Variants in NKAIN1 observed in about 807,000 individuals in gnomAD.
NKAIN1 encodes the protein sodium/potassium-transporting ATPase subunit beta-1-interacting protein 1.
In NKAIN1, 13 loss-of-function variants were observed where a neutral mutation model predicts 31.6. That is an observed-to-expected ratio of 0.41 (90% CI 0.27 to 0.65). NKAIN1 has a LOEUF of 0.65. Ranked by LOEUF, NKAIN1 falls within the 30% of genes least tolerant of loss-of-function variation. The pLI, the probability that NKAIN1 is intolerant of heterozygous loss-of-function variation, is 0.30. For missense variants in NKAIN1, 193 were observed against 262.2 expected (o/e 0.74, Z 1.82); for synonymous variants, 104 against 109.0 (o/e 0.95, Z 0.28).
chr1:31,185,149 C>T (rs549944626), intron 3 of NKAIN1, 98 bp downstream of exon 3: 153 of 920,982 alleles, frequency 1.7e-4, no homozygotes, highest in Middle Eastern at 6.4e-4. Flanking sequence ...GAGACTTCTT[C>T]GAGACATGAT....
chr1:31,198,729 C>T (rs1645350559), intron 1 of NKAIN1, among the ~76,000 whole-genome samples: 2 of 151,318 alleles, frequency 1.3e-5, no homozygotes, highest in African/African-American at 2.4e-5. Context: ...CCCGCCCCCA[C>T]CCCTAATTAT....
At chr1:31,227,228 G>A (rs1404822418) in intron 1 of NKAIN1, among the ~76,000 whole-genome samples, 1 of 152,186 alleles carries the variant, frequency 6.6e-6, no homozygotes, top group Non-Finnish European at 1.5e-5. Context: ...GCCTCGTTGC[G>A]TGACTTTGGC....
intron 4 of NKAIN1, among the ~76,000 whole-genome samples, chr1:31,183,224 C>A (rs1293262021): frequency 6.6e-6 from 1 of 152,112 alleles, no homozygotes; most frequent in African/African-American, 2.4e-5. Context: ...AGGAAACAAG[C>A]TCCGAGAAGG....
In NKAIN1 at chr1:31,239,652, G is replaced by A. The variant is rs1160097235; in HGVS notation, c.-105C>T. On this transcript the variant is annotated 5_prime_UTR_variant, in exon 1 of 7. Transcript: ENST00000373736. The surrounding 1 kb of genome is among the most constrained non-coding windows in gnomAD (Gnocchi z 4.8). ...CCACGTCCTCCCCGCTGGGCGCGCC[G>A]GGCGGCGGGGCCGGGCGCCTAGGGC... is the stretch of plus-strand genomic sequence containing the variant. 2 of 521,508 alleles carry A rather than the reference G, an allele frequency of 3.8e-6. No homozygotes were observed. Among genetic ancestry groups the A allele is most frequent in the African/African-American group, 2.1e-5 (1 of 48,126 alleles). 32.3% of individuals were successfully genotyped at this position (521,508 alleles called of 1,614,324 possible). A position where few individuals can be genotyped will look rare whatever the true frequency, so the allele number is the denominator to read the frequency against.
intron 2 of NKAIN1, among the ~76,000 whole-genome samples, chr1:31,187,071 T>G (rs1442652904): frequency 6.6e-6 from 1 of 152,198 alleles, no homozygotes; most frequent in Non-Finnish European, 1.5e-5. Flanking sequence ...TGGAGAGAAG[T>G]GTTCTCTTAT....
chr1:31,218,584 T>C (rs972234750), intron 1 of NKAIN1, among the ~76,000 whole-genome samples: 5 of 152,200 alleles, frequency 3.3e-5, no homozygotes, highest in Non-Finnish European at 7.3e-5. Context: ...CTCCCTCAGC[T>C]TCCTCTTCTG....
At chr1:31,217,167 T>C (rs889564513) in intron 1 of NKAIN1, among the ~76,000 whole-genome samples, 2 of 149,578 alleles carry the variant, frequency 1.3e-5, no homozygotes, top group African/African-American at 4.8e-5. Context: ...TGCCGCGGCA[T>C]TGACTTTTTG....
intron 1 of NKAIN1, among the ~76,000 whole-genome samples, chr1:31,236,969 C>A (rs10914334): frequency 0.2 from 29,812 of 152,170 alleles, 3,572 homozygotes; most frequent in East Asian, 0.47. Context: ...AAGCCTGGAT[C>A]CTGGCTGGAT....
intron 1 of NKAIN1, among the ~76,000 whole-genome samples, chr1:31,224,521 G>T (rs1645587609): frequency 6.6e-6 from 1 of 152,334 alleles, no homozygotes; most frequent in African/African-American, 2.4e-5. Flanking sequence ...TTGAACCACT[G>T]TGAGCTGTAA....
chr1:31,194,686 C>T (rs1417783927), intron 1 of NKAIN1, among the ~76,000 whole-genome samples: 5 of 151,308 alleles, frequency 3.3e-5, no homozygotes, highest in African/African-American at 1.2e-4. Context: ...GGATTACAGG[C>T]GTGAGCCCCT....
intron 1 of NKAIN1, among the ~76,000 whole-genome samples, chr1:31,190,340 T>C (rs1368771314): frequency 6.6e-6 from 1 of 152,118 alleles, no homozygotes; most frequent in African/African-American, 2.4e-5. Flanking sequence ...GTGACTCCCC[T>C]CCCAGGGATG....
chr1:31,220,778 A>G (rs1023712118), intron 1 of NKAIN1, among the ~76,000 whole-genome samples: 1 of 143,902 alleles, frequency 6.9e-6, no homozygotes, highest in African/African-American at 2.6e-5. Context: ...AAAAAAAAGC[A>G]TCCAGTGAAT....
chr1:31,215,441 C>T (rs1557659059), intron 1 of NKAIN1, among the ~76,000 whole-genome samples: 1 of 152,338 alleles, frequency 6.6e-6, no homozygotes, highest in East Asian at 1.9e-4. Flanking sequence ...TTACGCTGCC[C>T]GTGATGTGGG....
At chr1:31,238,935 A>G (rs950793057) in intron 1 of NKAIN1, among the ~76,000 whole-genome samples, 3 of 152,172 alleles carry the variant, frequency 2.0e-5, no homozygotes, top group Non-Finnish European at 4.4e-5. Flanking sequence ...CTTGGAGTCT[A>G]AGATCCCAGA....
chr1:31,206,033 A>G, intron 1 of NKAIN1, among the ~76,000 whole-genome samples: 1 of 148,416 alleles, frequency 6.7e-6, no homozygotes. Context: ...CAGGAGTTCG[A>G]GACCAGCCTG....
chr1:31,201,475 C>T (rs997692220), intron 1 of NKAIN1, among the ~76,000 whole-genome samples: 1 of 151,604 alleles, frequency 6.6e-6, no homozygotes, highest in Admixed American at 6.6e-5. Context: ...CCTCCTGCCT[C>T]AGCCTCCCAA....
chr1:31,195,366 C>T lies in NKAIN1; in HGVS notation c.55-7179G>A, dbSNP rs1045639110. Among the ~76,000 whole-genome samples, 7 of 152,006 alleles carry T rather than the reference C, an allele frequency of 4.6e-5. No homozygotes were observed. The South Asian group carries it at 8.3e-4, about 18-fold the overall frequency. The stretch of plus-strand genomic sequence containing the variant: ...TGAACTCTCGACCTCAGGTGATCCA[C>T]CTGCCTCAGGCTCCCAAAGTGCTGG... On this transcript the variant is annotated intron_variant, in intron 1 of 6. Coordinates refer to ENST00000373736, the MANE Select transcript of NKAIN1 (RefSeq NM_024522.3).
intron 1 of NKAIN1, among the ~76,000 whole-genome samples, chr1:31,238,310 A>T (rs1202901629): frequency 6.6e-6 from 1 of 152,112 alleles, no homozygotes; most frequent in East Asian, 1.9e-4. Flanking sequence ...TGTGGTGGGG[A>T]GGGCGTGATG....
chr1:31,202,652 G>A (rs12030828), intron 1 of NKAIN1, among the ~76,000 whole-genome samples: 98,914 of 139,826 alleles, frequency 0.71, 36,311 homozygotes, highest in Middle Eastern at 0.88. Context: ...ACTCCAGCCT[G>A]GGCGACAGAG....
Sources: allele counts gnomAD v4.1 joint callset (sites outside exome capture counted in the v4.1 genomes callset), GRCh38; gene constraint gnomAD v4.1.1; non-coding constraint Gnocchi (gnomAD v3.1); transcripts MANE v1.5; gene names NCBI Gene and HGNC (gene_info 2026-07-23, HGNC 2026-07-21).